Variants in BTBD1 observed in about 807,000 individuals in gnomAD.
BTBD1 encodes the protein BTB domain containing 1.
BTBD1 carries 34 observed loss-of-function variants against 48.0 expected under a neutral mutation model. The observed-to-expected ratio is 0.71, with a 90% CI of 0.54 to 0.94. The LOEUF (loss-of-function observed/expected upper bound fraction) is 0.94. Ranked by LOEUF, BTBD1 falls within the 40% of genes least tolerant of loss-of-function variation. The pLI is 0.00. For missense variants in BTBD1, 543 were observed against 625.6 expected (o/e 0.87, Z 1.41); for synonymous variants, 261 against 242.1 (o/e 1.08, Z -0.72).
intron 4 of BTBD1, among the ~76,000 whole-genome samples, chr15:83,037,743 C>T (rs1378204596): frequency 1.3e-5 from 2 of 152,194 alleles, no homozygotes; most frequent in African/African-American, 4.8e-5. Flanking sequence ...AGAAGTCAAA[C>T]TATCTCTCTT....
chr15:83,037,382 G>A (rs921214985), intron 4 of BTBD1, among the ~76,000 whole-genome samples: 9 of 151,910 alleles, frequency 5.9e-5, no homozygotes, highest in African/African-American at 1.5e-4. Flanking sequence ...AAATAAAATC[G>A]AAAAATAAAA....
At chr15:83,055,722 T>G (rs569419975) in intron 2 of BTBD1, among the ~76,000 whole-genome samples, 214 of 152,334 alleles carry the variant, frequency 1.4e-3, no homozygotes, top group Middle Eastern at 3.4e-3. Flanking sequence ...TTTTCAGAAC[T>G]TGAAATATTC....
chr15:83,057,694 A>G (rs2033111063), intron 1 of BTBD1, among the ~76,000 whole-genome samples: 2 of 152,378 alleles, frequency 1.3e-5, no homozygotes, highest in South Asian at 4.1e-4. Context: ...GACATTAACC[A>G]AAGTTTTAAA....
At chr15:83,020,800 C>A (rs1442065238) in intron 5 of BTBD1, 38 bp from the exon 6 acceptor site, 2 of 1,284,236 alleles carry the variant, frequency 1.6e-6, no homozygotes, top group Non-Finnish European at 2.2e-6. Context: ...ATAATTAATC[C>A]CATGTGTTCA....
intron 1 of BTBD1, among the ~76,000 whole-genome samples, chr15:83,057,173 T>G (rs1179972300): frequency 6.6e-6 from 1 of 152,208 alleles, no homozygotes; most frequent in Non-Finnish European, 1.5e-5. Flanking sequence ...CCCTGCATTT[T>G]AATAAGAAAA....
intron 5 of BTBD1, chr15:83,022,168 C>G (rs1253246802): frequency 6.6e-6 from 1 of 151,930 alleles, no homozygotes; most frequent in African/African-American, 2.4e-5. Context: ...ACCTCAGCCT[C>G]CCAAGTAGCT....
In BTBD1 at chr15:83,066,697, AGCCCGGCCCG is replaced by A. The variant is rs66531444; in HGVS notation, c.401+44_401+53del. ...GTAGGCCGGGCCCCGGGGATCTCCC[AGCCCGGCCCG>A]GCCCGGCCCGGCCCGGCCCGGCCCG... On this transcript the variant is annotated intron_variant, in intron 1 of 7. Transcript: ENST00000261721. 7.0e-3 allele frequency: 8,806 copies of A among 1,250,702 alleles called. 42 individuals carry two copies. The highest frequency in any genetic ancestry group is 8.3e-3 in the African/African-American group (514 of 61,796). The allele number at this position is 1,250,702 out of a possible 1,614,324, so 77.5% of individuals were successfully genotyped here.
intron 3 of BTBD1, chr15:83,044,884 C>A: frequency 1.5e-6 from 1 of 670,494 alleles, no homozygotes; most frequent in Non-Finnish European, 2.6e-6. Flanking sequence ...ATCTTTATCA[C>A]AAACGTTTCA....
At chr15:83,054,601 C>T (rs549557786) in intron 2 of BTBD1, among the ~76,000 whole-genome samples, 42 of 138,956 alleles carry the variant, frequency 3.0e-4, no homozygotes, top group South Asian at 6.7e-4. Context: ...TTCGCTCTGT[C>T]GCCAGGCTGG....
Position 83,050,095 on chromosome 15 carries a change from T to C in BTBD1, c.642A>G (p.Glu214=), listed in dbSNP as rs74028217. Residue 214 remains glutamate, a synonymous_variant, in exon 3 of 8, where the codon GAA becomes GAG. Coordinates refer to ENST00000261721, the MANE Select transcript of BTBD1 (RefSeq NM_025238.4). ...DKSTMDAISA[E]GFTDIDIDTL... is the part of the protein sequence containing the mutation. ...TACCTATATCAATATCAGTAAACCC[T>C]TCTGCACTTATTGCATCCATTGTGC... 855 of 1,612,074 alleles carry C rather than the reference T, an allele frequency of 5.3e-4. 3 individuals carry two copies. In the African/African-American group the frequency reaches 8.8e-3, roughly 17 times the overall value.
In BTBD1 at chr15:83,051,877, T is replaced by TACACACAC. The variant is rs113253261; in HGVS notation, c.559-1707_559-1700dup. On this transcript the variant is annotated intron_variant, in intron 2 of 7. Coordinates refer to ENST00000261721, the MANE Select transcript of BTBD1 (RefSeq NM_025238.4). Reference sequence around the variant, plus strand: ...TTTATTAATTTTTTTTCCATATATATACACACACACACACACACACACACA... The same window carrying TACACACAC: ...TTTATTAATTTTTTTTCCATATATATACACACACACACACACACACACACACACACACA... Among the ~76,000 whole-genome samples, 1,019 of 138,892 alleles carry TACACACAC rather than the reference T, an allele frequency of 7.3e-3. 8 individuals carry two copies. The highest frequency in any genetic ancestry group is 0.022 in the Middle Eastern group (6 of 270). 91.1% of individuals were successfully genotyped at this position (138,892 alleles called of 152,430 possible). A position where few individuals can be genotyped will look rare whatever the true frequency, so the allele number is the denominator to read the frequency against.
At chr15:83,025,071 A>G (rs1179672544) in intron 5 of BTBD1, among the ~76,000 whole-genome samples, 1 of 152,094 alleles carries the variant, frequency 6.6e-6, no homozygotes, top group Non-Finnish European at 1.5e-5. Flanking sequence ...GAATTTTGCC[A>G]GCCGGGTGTG....
intron 3 of BTBD1, among the ~76,000 whole-genome samples, chr15:83,048,809 G>C (rs972485057): frequency 6.6e-6 from 1 of 152,154 alleles, no homozygotes; most frequent in Non-Finnish European, 1.5e-5. Flanking sequence ...AAATTGAACA[G>C]TGAAATAAAT....
chr15:83,043,393 G>C (rs1245819086), intron 3 of BTBD1, among the ~76,000 whole-genome samples: 1 of 152,092 alleles, frequency 6.6e-6, no homozygotes, highest in Non-Finnish European at 1.5e-5. Context: ...GGGAGAGGGG[G>C]CAATCATGCA....
intron 4 of BTBD1, among the ~76,000 whole-genome samples, chr15:83,034,647 T>G (rs1476014883): frequency 2.0e-5 from 3 of 151,586 alleles, no homozygotes; most frequent in Non-Finnish European, 4.4e-5. Flanking sequence ...CCACAATAAG[T>G]TTAGATTTAA....
intron 3 of BTBD1, among the ~76,000 whole-genome samples, chr15:83,049,316 C>T (rs1052494113): frequency 3.3e-5 from 5 of 152,150 alleles, no homozygotes; most frequent in East Asian, 3.9e-4. Context: ...GAGAAAACCA[C>T]GAAGATACAG....
chr15:83,034,671 G>A (rs2032590637), intron 4 of BTBD1, among the ~76,000 whole-genome samples: 1 of 151,928 alleles, frequency 6.6e-6, no homozygotes, highest in Non-Finnish European at 1.5e-5. Context: ...GAGATAGACT[G>A]TAAAGATAAA....
intron 4 of BTBD1, among the ~76,000 whole-genome samples, chr15:83,037,666 T>C (rs1023381478): frequency 8.5e-5 from 13 of 152,066 alleles, no homozygotes; most frequent in East Asian, 5.8e-4. Flanking sequence ...CTATTCAACA[T>C]AGTACTGGTA....
At position 83,041,854 on chromosome 15, in the gene BTBD1, G is replaced by A. The variant is rs567296295; in HGVS notation, c.736C>T (p.Arg246Cys). 6.5e-5 allele frequency: 105 copies of A among 1,614,038 alleles called. No individual in the cohort carries two copies. In the South Asian group the frequency reaches 9.9e-4, roughly 15 times the overall value. The change falls in exon 4 of 8, where the codon CGC (arginine) becomes TGC (cysteine). Residue 246 changes from arginine (R) to cysteine (C), a missense_variant. Coordinates refer to ENST00000261721, the MANE Select transcript of BTBD1 (RefSeq NM_025238.4). The stretch of plus-strand genomic sequence containing the variant: ...CTCTGACATTCTGCTTCTGCCCAGC[G>A]TACAACAGCTCCAAAAAGTCGACTT... ...RESRLFGAVVRWAEAECQRQQ... is the reference protein window; with the variant it reads ...RESRLFGAVVCWAEAECQRQQ...
Sources: allele counts gnomAD v4.1 joint callset (sites outside exome capture counted in the v4.1 genomes callset), GRCh38; gene constraint gnomAD v4.1.1; transcripts MANE v1.5; gene names NCBI Gene and HGNC (gene_info 2026-07-23, HGNC 2026-07-21).